The following NTNG1 variants were observed in gnomAD, a reference collection of about 807,000 sequenced individuals.
The protein encoded by NTNG1 is netrin-G1.
A neutral mutation model predicts 54.0 loss-of-function variants in NTNG1; 16 were observed. The observed-to-expected ratio is 0.30, with a 90% CI of 0.20 to 0.45. NTNG1 has a LOEUF of 0.45. Among genes scored for constraint, NTNG1 ranks in the 20% least tolerant of loss-of-function variants. The pLI is 1.00. For missense variants in NTNG1, 530 were observed against 678.7 expected, an observed-to-expected ratio of 0.78 and a Z score of 2.43; for synonymous variants, 255 against 263.1, an observed-to-expected ratio of 0.97 and a Z score of 0.30.
intron 4 of NTNG1, among the ~76,000 whole-genome samples, chr1:107,402,368 C>T (rs74931962): frequency 0.023 from 3,481 of 152,222 alleles, 136 homozygotes; most frequent in African/African-American, 0.079. Flanking sequence ...TTACCACTCC[C>T]GCTCTTGAGA....
chr1:107,435,676 A>G (rs770771063), intron 6 of NTNG1, among the ~76,000 whole-genome samples: 21 of 152,080 alleles, frequency 1.4e-4, no homozygotes, highest in Non-Finnish European at 2.4e-4. Context: ...GTTGGATGGT[A>G]TAGTTTTATT....
At chr1:107,332,984 C>T (rs918883527) in intron 3 of NTNG1, among the ~76,000 whole-genome samples, 1 of 151,912 alleles carries the variant, frequency 6.6e-6, no homozygotes. Flanking sequence ...CTCAACTCCC[C>T]TTGAAAAACA....
At chr1:107,328,598 G>T (rs1409564360) in intron 3 of NTNG1, among the ~76,000 whole-genome samples, 1 of 152,028 alleles carries the variant, frequency 6.6e-6, no homozygotes, top group Non-Finnish European at 1.5e-5. Context: ...TATAGATAAT[G>T]TCCAAAATGT....
intron 2 of NTNG1, among the ~76,000 whole-genome samples, chr1:107,314,681 C>T (rs751527956): frequency 6.6e-6 from 1 of 152,130 alleles, no homozygotes; most frequent in Non-Finnish European, 1.5e-5. Flanking sequence ...CTGGCCTCTC[C>T]GCTGAGGTCT....
At chr1:107,339,245 T>C (rs900450370) in intron 3 of NTNG1, among the ~76,000 whole-genome samples, 2 of 152,064 alleles carry the variant, frequency 1.3e-5, no homozygotes, top group African/African-American at 4.8e-5. Flanking sequence ...CCGTTGTTAA[T>C]TTGGGAAGTC....
At chr1:107,262,920 G>C (rs1663451696) in intron 2 of NTNG1, among the ~76,000 whole-genome samples, 1 of 152,192 alleles carries the variant, frequency 6.6e-6, no homozygotes, top group Non-Finnish European at 1.5e-5. Flanking sequence ...GTAATTAGAT[G>C]AACCACCATA....
chr1:107,404,081 TTATATA>T (rs5776886), intron 4 of NTNG1, among the ~76,000 whole-genome samples: 1 of 145,388 alleles, frequency 6.9e-6, no homozygotes, highest in South Asian at 2.1e-4. Context: ...CCTTCTTAAT[TTATATA>T]TATATATATA....
At chr1:107,200,791 A>C (rs907617165) in intron 2 of NTNG1, among the ~76,000 whole-genome samples, 1 of 151,830 alleles carries the variant, frequency 6.6e-6, no homozygotes, top group Admixed American at 6.6e-5. Context: ...CTTTTTATTC[A>C]TTCATTCAAC....
intron 6 of NTNG1, among the ~76,000 whole-genome samples, chr1:107,431,379 T>A (rs1449259436): frequency 6.6e-6 from 1 of 152,186 alleles, no homozygotes. Context: ...TTGAAAATGT[T>A]GCTATTTGAG....
rs917207541 is a variant in NTNG1 at position 107,159,948 on chromosome 1, C to T, written c.246+11109C>T. On this transcript the variant is annotated intron_variant, in intron 2 of 7. Coordinates refer to ENST00000370068, the MANE Select transcript of NTNG1 (RefSeq NM_001113226.3). Reference sequence around the variant, plus strand: ...ATAAGCTGTTAGAAATCATAGAGAGCGGAGTACATATTGTATTCATCATGT... The same window carrying T: ...ATAAGCTGTTAGAAATCATAGAGAGTGGAGTACATATTGTATTCATCATGT... 7.9e-5 allele frequency among the ~76,000 whole-genome samples: 12 copies of T among 152,082 alleles called. No individual in the cohort carries two copies. In the East Asian group the frequency reaches 9.6e-4, roughly 12 times the overall value.
intron 2 of NTNG1, among the ~76,000 whole-genome samples, chr1:107,175,387 C>T (rs1656570722): frequency 6.6e-6 from 1 of 152,274 alleles, no homozygotes; most frequent in Non-Finnish European, 1.5e-5. Flanking sequence ...AGGGCAACTT[C>T]ATAGGATAAA....
intron 7 of NTNG1, 104 bp from the exon 8 acceptor site, chr1:107,480,507 G>T (rs755675318): frequency 2.8e-6 from 2 of 722,326 alleles, no homozygotes; most frequent in African/African-American, 1.8e-5. Flanking sequence ...GATCGATAGA[G>T]ATTTTTTTTT....
At chr1:107,376,268 C>T (rs940494683) in intron 3 of NTNG1, among the ~76,000 whole-genome samples, 13 of 152,026 alleles carry the variant, frequency 8.6e-5, no homozygotes, top group East Asian at 3.9e-4. Context: ...ATTAGCTGGG[C>T]GCGGTGGCGG....
intron 4 of NTNG1, 190 bp downstream of exon 4, chr1:107,395,516 C>T (rs777903199): frequency 1.3e-6 from 1 of 751,428 alleles, no homozygotes; most frequent in Non-Finnish European, 2.4e-6. Flanking sequence ...CAGTAAAATT[C>T]AGTCATCTAA....
chr1:107,374,861 T>A (rs913538088), intron 3 of NTNG1, among the ~76,000 whole-genome samples: 1 of 152,154 alleles, frequency 6.6e-6, no homozygotes, highest in Non-Finnish European at 1.5e-5. Flanking sequence ...TTTATTAAGT[T>A]ATTTGGAAAC....
intron 4 of NTNG1, among the ~76,000 whole-genome samples, chr1:107,400,443 C>T (rs1557967412): frequency 6.6e-6 from 1 of 152,050 alleles, no homozygotes; most frequent in African/African-American, 2.4e-5. Flanking sequence ...CCCACAATAT[C>T]CCCATGAGAT....
chr1:107,295,565 A>G (rs2101781480), intron 2 of NTNG1, among the ~76,000 whole-genome samples: 1 of 152,248 alleles, frequency 6.6e-6, no homozygotes, highest in South Asian at 2.1e-4. Context: ...TCTTCTTTGA[A>G]TTCGAGTTAT....
chr1:107,411,481 T>C (rs923400951), intron 5 of NTNG1, among the ~76,000 whole-genome samples: 3 of 152,150 alleles, frequency 2.0e-5, no homozygotes, highest in African/African-American at 7.2e-5. Flanking sequence ...TCTTGATTTA[T>C]TGTAGAAACC....
intron 2 of NTNG1, among the ~76,000 whole-genome samples, chr1:107,164,386 C>A (rs1319945575): frequency 6.6e-6 from 1 of 152,160 alleles, no homozygotes; most frequent in Non-Finnish European, 1.5e-5. Context: ...CTGTTGTAAT[C>A]CATACAGAAA....
Sources: gnomAD v4.1 joint callset for allele counts (sites outside exome capture counted in the v4.1 genomes callset) on GRCh38, gnomAD v4.1.1 for gene constraint, MANE v1.5 for transcripts, NCBI Gene and HGNC (gene_info 2026-07-23, HGNC 2026-07-21) for gene names.